FAM81B: variants seen among roughly 807,000 people sequenced by gnomAD.
FAM81B encodes family with sequence similarity 81 member B.
Under a neutral mutation model 58.7 loss-of-function variants are expected in FAM81B, and 60 were observed. That is an observed-to-expected ratio of 1.02 (90% CI 0.83 to 1.27). The LOEUF is 1.27. Among genes scored for constraint, FAM81B ranks in the 50% most tolerant of loss-of-function variants. The probability of loss-of-function intolerance (pLI) is 0.00; values close to 1 mark genes in which losing one functional copy is unlikely to be tolerated. For synonymous variants in FAM81B, 189 were observed against 179.6 expected (o/e 1.05, Z -0.42); for missense variants, 491 against 522.0 (o/e 0.94, Z 0.58).
At chr5:95,449,173 T>G (rs1394876040) in intron 9 of FAM81B, among the ~76,000 whole-genome samples, 1 of 152,110 alleles carries the variant, frequency 6.6e-6, no homozygotes, top group Middle Eastern at 3.2e-3. Flanking sequence ...TCAGAAAAAT[T>G]CATGTGTAAA....
At chr5:95,425,278 A>G (rs1017862944) in intron 5 of FAM81B, among the ~76,000 whole-genome samples, 1 of 152,158 alleles carries the variant, frequency 6.6e-6, no homozygotes, top group Non-Finnish European at 1.5e-5. Context: ...AAAATGATAT[A>G]AGAACAATGA....
intron 2 of FAM81B, among the ~76,000 whole-genome samples, chr5:95,395,827 T>C (rs1761951323): frequency 6.6e-6 from 1 of 152,230 alleles, no homozygotes; most frequent in East Asian, 1.9e-4. Context: ...GATATTTCAT[T>C]TTAAAATTAT....
At chr5:95,446,964 A>AC (rs1214917942) in intron 8 of FAM81B, among the ~76,000 whole-genome samples, 2 of 151,118 alleles carry the variant, frequency 1.3e-5, no homozygotes, top group East Asian at 3.9e-4. Context: ...AAAAAAAAAA[A>AC]TAGATTGCCA....
chr5:95,391,496 C>T lies in FAM81B; in HGVS notation c.107C>T (p.Ala36Val). 6.2e-7 allele frequency: 1 copy of T among 1,613,410 alleles called. No homozygotes were observed. The highest frequency in any genetic ancestry group is 1.3e-5 in the African/African-American group (1 of 74,976). ...TCTACAAAAAATAAAGCTGGAAAAG[C>T]AAGCATCATGAGTTCAGGTACTTAT... ...IKSTKNKAGK[A>V]SIMSSDTNVN... is the part of the protein sequence containing the mutation. Residue 36 changes from alanine (A) to valine (V), a missense_variant, in exon 1 of 10, where the codon GCA (alanine) becomes GTA (valine). Ala to Val is a moderately conservative substitution (Grantham distance 64, BLOSUM62 0). Coordinates refer to ENST00000283357, the MANE Select transcript of FAM81B (RefSeq NM_152548.3).
At chr5:95,438,585 A>G (rs1039101123) in intron 7 of FAM81B, among the ~76,000 whole-genome samples, 2 of 152,148 alleles carry the variant, frequency 1.3e-5, no homozygotes, top group Non-Finnish European at 2.9e-5. Flanking sequence ...GGACACTTTT[A>G]TAACAGTGTA....
chr5:95,399,186 A>G (rs1056889590), intron 3 of FAM81B, among the ~76,000 whole-genome samples: 4 of 152,238 alleles, frequency 2.6e-5, no homozygotes, highest in Non-Finnish European at 5.9e-5. Context: ...AGCAAGTCAA[A>G]TGGGCAAAAT....
intron 6 of FAM81B, among the ~76,000 whole-genome samples, chr5:95,430,528 T>C (rs1336672107): frequency 6.6e-6 from 1 of 152,004 alleles, no homozygotes; most frequent in Non-Finnish European, 1.5e-5. Flanking sequence ...TGCATACCCT[T>C]CCTTTGTATG....
At chr5:95,436,353 T>C (rs1370645823) in intron 6 of FAM81B, among the ~76,000 whole-genome samples, 4 of 152,224 alleles carry the variant, frequency 2.6e-5, no homozygotes, top group African/African-American at 9.6e-5. Flanking sequence ...TTTAAACATT[T>C]ATTCAATAAG....
At chr5:95,407,466 A>G (rs925424905) in intron 3 of FAM81B, among the ~76,000 whole-genome samples, 3 of 152,154 alleles carry the variant, frequency 2.0e-5, no homozygotes, top group East Asian at 1.9e-4. Context: ...CAGCTCAGGC[A>G]ATCTCATTTT....
In FAM81B at chr5:95,423,993, C is replaced by A. The variant is rs939294261; in HGVS notation, c.656+3591C>A. 3 of 1,287,608 alleles carry A rather than the reference C, an allele frequency of 2.3e-6. No individual in the cohort carries two copies. The African/African-American group carries it at 4.6e-5, about 20-fold the overall frequency. The allele number at this position is 1,287,608 out of a possible 1,614,324, so 79.8% of individuals were successfully genotyped here. On this transcript the variant is annotated intron_variant, in intron 5 of 9. Transcript: ENST00000283357. ...AGAGATTCAGGTCAGCAACACCAAA[C>A]AGCCGGGAGGTATAGCCAAGGATGC...
chr5:95,433,050 A>G (rs1343472602), intron 6 of FAM81B, among the ~76,000 whole-genome samples: 4 of 152,116 alleles, frequency 2.6e-5, no homozygotes, highest in African/African-American at 4.8e-5. Context: ...GGAGTTTAAC[A>G]TGTAGTATTC....
At chr5:95,408,157 T>TCATAGGG (rs1762314994) in intron 3 of FAM81B, among the ~76,000 whole-genome samples, 1 of 151,416 alleles carries the variant, frequency 6.6e-6, no homozygotes, top group Non-Finnish European at 1.5e-5. Context: ...AATCTGATTA[T>TCATAGGG]CATAGGGTGA....
chr5:95,393,312 T>C (rs933133529), intron 2 of FAM81B, among the ~76,000 whole-genome samples: 9 of 152,222 alleles, frequency 5.9e-5, no homozygotes, highest in African/African-American at 2.2e-4. Context: ...TTTAGACTTT[T>C]TTTGCACTTC....
chr5:95,448,506 TC>T, intron 9 of FAM81B, 42 bp downstream of exon 9: 4 of 1,527,802 alleles, frequency 2.6e-6, no homozygotes. Flanking sequence ...ATCTGTCCTT[TC>T]CTGTTCAATC....
chr5:95,446,537 T>C (rs1745565595), intron 7 of FAM81B, 25 bp from the exon 8 acceptor site: 2 of 1,537,272 alleles, frequency 1.3e-6, no homozygotes, highest in Non-Finnish European at 1.7e-6. Context: ...CTTATTTAAA[T>C]GAAACAAAAC....
intron 7 of FAM81B, among the ~76,000 whole-genome samples, chr5:95,439,568 G>A (rs183525499): frequency 2.0e-5 from 3 of 150,914 alleles, no homozygotes; most frequent in Admixed American, 2.0e-4. Flanking sequence ...GATATGTATT[G>A]AAAATGTATT....
In FAM81B at chr5:95,446,568, T is replaced by C; in HGVS notation, c.900T>C (p.His300=). Residue 300 remains histidine, a synonymous_variant, in exon 8 of 10, where the codon CAT becomes CAC. Coordinates refer to ENST00000283357, the MANE Select transcript of FAM81B (RefSeq NM_152548.3). The part of the protein sequence containing the change: ...HEMNLLEFKF[H]SLSSNLYEEV... ...AAAACATTTTTTCCCATAGATTTCA[T>C]TCACTTTCAAGTAATCTGTACGAAG... is the stretch of plus-strand genomic sequence containing the variant. 1 of 1,580,756 alleles carries C rather than the reference T, an allele frequency of 6.3e-7. No individual in the cohort carries two copies.
chr5:95,412,298 A>G (rs1015583095), intron 3 of FAM81B, among the ~76,000 whole-genome samples: 9 of 152,182 alleles, frequency 5.9e-5, no homozygotes, highest in Non-Finnish European at 1.2e-4. Context: ...TAATTTTTCT[A>G]TGCTGTTTTC....
chr5:95,441,406 T>TA, intron 7 of FAM81B, among the ~76,000 whole-genome samples: 1 of 151,934 alleles, frequency 6.6e-6, no homozygotes, highest in South Asian at 2.1e-4. Context: ...CCGCCTGTAC[T>TA]AAAAATACAA....
Sources: allele counts gnomAD v4.1 joint callset (sites outside exome capture counted in the v4.1 genomes callset), GRCh38; gene constraint gnomAD v4.1.1; transcripts MANE v1.5; gene names NCBI Gene and HGNC (gene_info 2026-07-23, HGNC 2026-07-21).